Variants in TESMIN observed in about 807,000 individuals in gnomAD.
TESMIN encodes CXC domain containing 2.
Under a neutral mutation model 47.4 loss-of-function variants are expected in TESMIN, and 34 were observed. That is an observed-to-expected ratio of 0.72 (90% confidence interval 0.55 to 0.96). The LOEUF (loss-of-function observed/expected upper bound fraction) is 0.96, where lower values mean the gene tolerates loss of function less well. Among genes scored for constraint, TESMIN ranks in the 40% least tolerant of loss-of-function variants. The pLI, the probability that TESMIN is intolerant of heterozygous loss-of-function variation, is 0.00. For missense variants in TESMIN, 610 were observed against 637.2 expected (o/e 0.96, Z 0.46); for synonymous variants, 278 against 258.9 (o/e 1.07, Z -0.71).
intron 6 of TESMIN, among the ~76,000 whole-genome samples, chr11:68,721,715 G>C (rs1946206253): frequency 6.6e-6 from 1 of 152,176 alleles, no homozygotes; most frequent in Non-Finnish European, 1.5e-5. Flanking sequence ...CACCACCCCT[G>C]CCCGGGTTCA....
At chr11:68,722,666 A>G (rs1036104667) in intron 6 of TESMIN, among the ~76,000 whole-genome samples, 1 of 152,220 alleles carries the variant, frequency 6.6e-6, no homozygotes, top group Non-Finnish European at 1.5e-5. Flanking sequence ...TACAGAAGAC[A>G]CACCTAAAAC....
intron 6 of TESMIN, among the ~76,000 whole-genome samples, chr11:68,722,776 G>T (rs1029082464): frequency 6.6e-6 from 1 of 152,236 alleles, no homozygotes; most frequent in South Asian, 2.1e-4. Flanking sequence ...CAACATTACC[G>T]TCGGACAGAA....
chr11:68,735,790 A>T (rs1476622042), intron 6 of TESMIN, among the ~76,000 whole-genome samples: 3 of 152,258 alleles, frequency 2.0e-5, no homozygotes, highest in Non-Finnish European at 2.9e-5. Flanking sequence ...GAAGAAGTGA[A>T]AACCAAATGC....
chr11:68,721,546 A>T (rs550402852), intron 6 of TESMIN, among the ~76,000 whole-genome samples: 1 of 152,272 alleles, frequency 6.6e-6, no homozygotes, highest in South Asian at 2.1e-4. Context: ...GAGTGCTGGG[A>T]GGGCAGGGAC....
chr11:68,736,346 C>CG (rs1176614995), intron 6 of TESMIN: 2 of 985,432 alleles, frequency 2.0e-6, no homozygotes, highest in East Asian at 2.3e-4. Context: ...AAATGACCAT[C>CG]GGGTCAGCTC....
intron 7 of TESMIN, among the ~76,000 whole-genome samples, chr11:68,714,561 G>A (rs1004102492): frequency 7.9e-5 from 12 of 152,302 alleles, no homozygotes; most frequent in African/African-American, 2.2e-4. Flanking sequence ...CTCCCGTGTC[G>A]GCTGCCTCCC....
At position 68,707,871 on chromosome 11, in the gene TESMIN, A is replaced by G. The variant is rs1275728593; in HGVS notation, c.*437T>C. On this transcript the variant is annotated 3_prime_UTR_variant, in exon 10 of 10. Transcript: ENST00000255087. ...AACTTATTTCTAAATAATTTGAAAA[A>G]CAAACAAGAAACCATTAGGGTTTTC... The G allele has an allele frequency of 4.4e-6, 2 of 457,650 alleles. No individual in the cohort carries two copies. The highest frequency in any genetic ancestry group is 2.0e-5 in the African/African-American group (1 of 50,156). 28.3% of individuals were successfully genotyped at this position (457,650 alleles called of 1,614,324 possible). A position where few individuals can be genotyped will look rare whatever the true frequency, so the allele number is the denominator to read the frequency against.
chr11:68,733,833 C>T (rs11829010), intron 6 of TESMIN: 2 of 152,140 alleles, frequency 1.3e-5, no homozygotes, highest in African/African-American at 2.4e-5. Context: ...AACACCAGAT[C>T]GTTATAGGTA....
intron 9 of TESMIN, among the ~76,000 whole-genome samples, chr11:68,710,060 A>G (rs1173359905): frequency 6.6e-6 from 1 of 152,142 alleles, no homozygotes; most frequent in Non-Finnish European, 1.5e-5. Flanking sequence ...CAGGAGGCTG[A>G]GGTGGGAGGA....
At chr11:68,731,435 A>G (rs897771527) in intron 6 of TESMIN, among the ~76,000 whole-genome samples, 3 of 68,592 alleles carry the variant, frequency 4.4e-5, no homozygotes, top group African/African-American at 2.3e-4. Context: ...CTGAAAAAAG[A>G]GTTATAAAAT....
intron 6 of TESMIN, among the ~76,000 whole-genome samples, chr11:68,729,268 G>A (rs753726302): frequency 6.6e-6 from 1 of 152,222 alleles, no homozygotes; most frequent in Non-Finnish European, 1.5e-5. Flanking sequence ...GCTCACGCCT[G>A]TAATCCCAGT....
intron 4 of TESMIN, among the ~76,000 whole-genome samples, chr11:68,743,828 T>C (rs1946487954): frequency 6.6e-6 from 1 of 152,172 alleles, no homozygotes; most frequent in South Asian, 2.1e-4. Flanking sequence ...ACGTACTTTA[T>C]TGTGATGTTT....
At chr11:68,741,648 T>C (rs1239599431) in intron 5 of TESMIN, among the ~76,000 whole-genome samples, 1 of 152,198 alleles carries the variant, frequency 6.6e-6, no homozygotes, top group Non-Finnish European at 1.5e-5. Context: ...GTGCCCTACA[T>C]GGGCCAGGCT....
At chr11:68,727,081 A>T (rs1331071635) in intron 6 of TESMIN, among the ~76,000 whole-genome samples, 7 of 152,008 alleles carry the variant, frequency 4.6e-5, no homozygotes, top group Non-Finnish European at 8.8e-5. Context: ...AAAAAAAAAA[A>T]ATAATGAAAT....
chr11:68,743,557 G>A (rs967153314), intron 4 of TESMIN, among the ~76,000 whole-genome samples: 3 of 152,008 alleles, frequency 2.0e-5, no homozygotes, highest in African/African-American at 4.8e-5. Flanking sequence ...CACTACTTTC[G>A]ATTTATGTGT....
In TESMIN at chr11:68,707,593, G is replaced by T; in HGVS notation, c.*715C>A. On this transcript the variant is annotated 3_prime_UTR_variant, in exon 10 of 10. Transcript: ENST00000255087. ...ATATTACAACAATAATTATGGAGAA[G>T]TTAATTGGATAATAGAGCTTTTCCA... 1 of 218,844 alleles carries T rather than the reference G, an allele frequency of 4.6e-6. No individual in the cohort carries two copies. Among genetic ancestry groups the T allele is most frequent in the Non-Finnish European group, 9.8e-6 (1 of 102,184 alleles). The allele number at this position is 218,844 out of a possible 1,614,324, so 13.6% of individuals were successfully genotyped here. A position where few individuals can be genotyped will look rare whatever the true frequency, so the allele number is the denominator to read the frequency against.
chr11:68,727,675 A>C (rs148310631), intron 6 of TESMIN, among the ~76,000 whole-genome samples: 11 of 152,350 alleles, frequency 7.2e-5, no homozygotes, highest in African/African-American at 2.4e-4. Context: ...CTTTTTTAAT[A>C]AAACAAATTG....
chr11:68,725,034 C>T (rs892335318), intron 6 of TESMIN, among the ~76,000 whole-genome samples: 6 of 152,144 alleles, frequency 3.9e-5, no homozygotes, highest in African/African-American at 7.2e-5. Context: ...GAAGGTATCA[C>T]GGTCCAATAT....
At chr11:68,709,172 C>A (rs963175649) in intron 9 of TESMIN, among the ~76,000 whole-genome samples, 1 of 152,028 alleles carries the variant, frequency 6.6e-6, no homozygotes, top group Non-Finnish European at 1.5e-5. Context: ...CCTCTCATGG[C>A]GGGTTTGAAA....
Sources: gnomAD v4.1 joint callset for allele counts (sites outside exome capture counted in the v4.1 genomes callset) on GRCh38, gnomAD v4.1.1 for gene constraint, MANE v1.5 for transcripts, NCBI Gene and HGNC (gene_info 2026-07-23, HGNC 2026-07-21) for gene names.